The following TPRG1 variants were observed in gnomAD, a reference collection of about 807,000 sequenced individuals.
TPRG1 encodes tumor protein p63 regulated 1, also known as tumor protein p63-regulated gene 1 protein.
A neutral mutation model predicts 29.3 loss-of-function variants in TPRG1; 29 were observed. The ratio of observed to expected loss-of-function variants is 0.99; its 90% CI spans 0.74 to 1.35. The LOEUF is 1.35. Ranked by LOEUF, TPRG1 falls within the 40% of genes most tolerant of loss-of-function variation. The pLI is 0.00. For missense variants in TPRG1, 327 were observed against 335.0 expected (o/e 0.98, Z 0.19); for synonymous variants, 130 against 116.8 (o/e 1.11, Z -0.73).
intron 5 of TPRG1, among the ~76,000 whole-genome samples, chr3:189,158,465 C>T (rs1726992956): frequency 6.6e-6 from 1 of 151,948 alleles, no homozygotes; most frequent in African/African-American, 2.4e-5. Context: ...AAAAATTCGC[C>T]AGGCGTGGTG....
At chr3:189,201,933 G>A (rs574258692) in intron 1 of TPRG1, among the ~76,000 whole-genome samples, 7 of 152,164 alleles carry the variant, frequency 4.6e-5, no homozygotes, top group Non-Finnish European at 1.0e-4. Context: ...TTACAGGCAT[G>A]AGCCACTGCT....
At chr3:189,210,511 A>G (rs1735100370) in intron 2 of TPRG1, among the ~76,000 whole-genome samples, 1 of 152,190 alleles carries the variant, frequency 6.6e-6, no homozygotes, top group Non-Finnish European at 1.5e-5. Flanking sequence ...TCTATGAAAG[A>G]GTCATGATAA....
At chr3:189,166,906 G>C (rs1323860058) in intron 5 of TPRG1, among the ~76,000 whole-genome samples, 1 of 152,156 alleles carries the variant, frequency 6.6e-6, no homozygotes, top group Non-Finnish European at 1.5e-5. Flanking sequence ...TGACTGAACT[G>C]GGGGTGGGAC....
intron 4 of TPRG1, among the ~76,000 whole-genome samples, chr3:189,032,323 C>A (rs1713974624): frequency 6.6e-6 from 1 of 152,140 alleles, no homozygotes; most frequent in Admixed American, 6.5e-5. Flanking sequence ...ACAGATTCTT[C>A]CCCTAGGGCC....
At chr3:189,282,215 CA>C (rs577174841) in intron 4 of TPRG1, among the ~76,000 whole-genome samples, 1,062 of 94,706 alleles carry the variant, frequency 0.011, 10 homozygotes, top group Non-Finnish European at 0.016. Context: ...TAGTCCTTTC[CA>C]AAAAAAAAAA....
At position 189,272,756 on chromosome 3, in the gene TPRG1, C is replaced by CTTCG. The variant is rs1379608917; in HGVS notation, c.479+33850_479+33851insGTTC. Among the ~76,000 whole-genome samples the CTTCG allele has an allele frequency of 3.7e-3, 403 of 109,396 alleles. 4 individuals are homozygous for CTTCG. Among genetic ancestry groups the CTTCG allele is most frequent in the African/African-American group, 0.012 (386 of 31,342 alleles). 71.8% of individuals were successfully genotyped at this position (109,396 alleles called of 152,430 possible). ...CCTTCCTTCCTTCCTTCCTTCGTTC[C>CTTCG]TTCCTTCCTTCCTTCCTTCCCTCTC... On this transcript the variant is annotated intron_variant, in intron 4 of 5. Transcript: ENST00000345063.
At chr3:189,143,978 G>A (rs556003551) in intron 3 of TPRG1, among the ~76,000 whole-genome samples, 11 of 152,208 alleles carry the variant, frequency 7.2e-5, no homozygotes, top group African/African-American at 2.4e-4. Flanking sequence ...TCCTCTCTGT[G>A]TAGCTTCCTA....
intron 3 of TPRG1, among the ~76,000 whole-genome samples, chr3:189,138,522 GT>G (rs1477052605): frequency 1.3e-5 from 2 of 152,132 alleles, no homozygotes. Flanking sequence ...CCATCTTCTG[GT>G]TTTCTCCTCC....
At chr3:189,224,494 C>CA (rs1263097578) in intron 3 of TPRG1, among the ~76,000 whole-genome samples, 28 of 145,322 alleles carry the variant, frequency 1.9e-4, no homozygotes, top group African/African-American at 3.0e-4. Flanking sequence ...ACAACAACAA[C>CA]AACAAAAAAA....
At chr3:189,061,707 T>C (rs576883242) in intron 4 of TPRG1, among the ~76,000 whole-genome samples, 1 of 152,104 alleles carries the variant, frequency 6.6e-6, no homozygotes, top group African/African-American at 2.4e-5. Flanking sequence ...TACTGATCAT[T>C]AGAGAAATGC....
upstream of TPRG1, among the ~76,000 whole-genome samples, chr3:189,098,898 C>T (rs1293574347): frequency 6.6e-6 from 1 of 152,132 alleles, no homozygotes; most frequent in African/African-American, 2.4e-5. Flanking sequence ...ACCCTTGTCA[C>T]CCTGCAGTGT....
chr3:189,160,964 T>G (rs1727394339), intron 5 of TPRG1, among the ~76,000 whole-genome samples: 1 of 152,226 alleles, frequency 6.6e-6, no homozygotes, highest in Non-Finnish European at 1.5e-5. Context: ...ATTGAAAAGG[T>G]GCCTCATAAT....
At chr3:189,150,700 G>A (rs538417517) in exon 5 of TPRG1, 1 of 152,300 alleles carries the variant, frequency 6.6e-6, no homozygotes, top group East Asian at 1.9e-4. Flanking sequence ...TGGGACCTCA[G>A]TGAAGTTTCT....
At chr3:189,204,629 G>A (rs985856321) in intron 1 of TPRG1, among the ~76,000 whole-genome samples, 1 of 152,186 alleles carries the variant, frequency 6.6e-6, no homozygotes, top group African/African-American at 2.4e-5. Context: ...AGAGAAGACA[G>A]CCTGAGGGAG....
At position 189,320,993 on chromosome 3, in the gene TPRG1, C is replaced by T. The variant is rs1724261847; in HGVS notation, c.*173C>T. On this transcript the variant is annotated 3_prime_UTR_variant, in exon 6 of 6. Transcript: ENST00000345063. Reference sequence around the variant, plus strand: ...AAGCTTGATTGGACTGATAGATACACACTTTAGACCTCATACAAGAATAAT... The same window carrying T: ...AAGCTTGATTGGACTGATAGATACATACTTTAGACCTCATACAAGAATAAT... 2.0e-6 allele frequency: 1 copy of T among 500,914 alleles called. No individual in the cohort carries two copies. The highest frequency in any genetic ancestry group is 3.4e-6 in the Non-Finnish European group (1 of 297,052). The allele number at this position is 500,914 out of a possible 1,614,324, so 31.0% of individuals were successfully genotyped here. A position where few individuals can be genotyped will look rare whatever the true frequency, so the allele number is the denominator to read the frequency against.
rs1198528080 is a variant in TPRG1, at chr3:189,227,619, GCTGTAA to G, written c.303-11111_303-11106del. On this transcript the variant is annotated intron_variant, in intron 3 of 5. Coordinates refer to ENST00000345063, the MANE Select transcript of TPRG1 (RefSeq NM_198485.4). ...CAAGTTGTTACTACACACTTCTTAC[GCTGTAA>G]CTTAAAAAATGCAATCATTGTAAAT... Among the ~76,000 whole-genome samples, 10 of 152,076 alleles carry G rather than the reference GCTGTAA, an allele frequency of 6.6e-5. No individual in the cohort carries two copies. In the East Asian group the frequency reaches 7.7e-4, roughly 12 times the overall value.
intron 4 of TPRG1, among the ~76,000 whole-genome samples, chr3:189,066,196 A>G (rs1419221121): frequency 6.6e-6 from 1 of 152,150 alleles, no homozygotes; most frequent in East Asian, 1.9e-4. Flanking sequence ...AGCAAAGGAA[A>G]CCCTGGGACC....
At chr3:189,199,366 T>G (rs893444623) in intron 1 of TPRG1, among the ~76,000 whole-genome samples, 1 of 152,234 alleles carries the variant, frequency 6.6e-6, no homozygotes, top group Non-Finnish European at 1.5e-5. Context: ...AATCAAATCT[T>G]GTAGACTCGT....
intron 4 of TPRG1, among the ~76,000 whole-genome samples, chr3:189,079,095 A>G (rs182852708): frequency 6.6e-6 from 1 of 152,284 alleles, no homozygotes; most frequent in Non-Finnish European, 1.5e-5. Context: ...TATGGCAGAA[A>G]AGGAAAGGGA....
Sources: gnomAD v4.1 joint callset for allele counts (sites outside exome capture counted in the v4.1 genomes callset) on GRCh38, gnomAD v4.1.1 for gene constraint, MANE v1.5 for transcripts, NCBI Gene and HGNC (gene_info 2026-07-23, HGNC 2026-07-21) for gene names.